The following RFTN1 variants were observed in gnomAD, a reference collection of about 807,000 sequenced individuals.
RFTN1 encodes raftlin, lipid raft linker 1.
RFTN1 carries 26 observed loss-of-function variants against 46.5 expected under a neutral mutation model. That is an observed-to-expected ratio of 0.56 (90% CI 0.41 to 0.78). The LOEUF is 0.78. Ranked by LOEUF, RFTN1 falls within the 30% of genes least tolerant of loss-of-function variation. The pLI is 0.00. For synonymous variants in RFTN1, 261 were observed against 284.2 expected, an observed-to-expected ratio of 0.92 and a Z score of 0.82; for missense variants, 693 against 718.7, an observed-to-expected ratio of 0.96 and a Z score of 0.41.
intron 7 of RFTN1, among the ~76,000 whole-genome samples, chr3:16,340,244 T>C (rs528270680): frequency 6.6e-6 from 1 of 152,374 alleles, no homozygotes; most frequent in Non-Finnish European, 1.5e-5. Flanking sequence ...CAATAGTACA[T>C]TAACAAATAT....
intron 3 of RFTN1, among the ~76,000 whole-genome samples, chr3:16,415,430 T>TATATATATACAC: frequency 8.7e-6 from 1 of 114,348 alleles, no homozygotes; most frequent in African/African-American, 2.7e-5. Context: ...TATATATATA[T>TATATATATACAC]ACACACACAC....
intron 7 of RFTN1, among the ~76,000 whole-genome samples, chr3:16,354,450 T>G (rs1451312996): frequency 2.6e-5 from 4 of 152,248 alleles, no homozygotes; most frequent in African/African-American, 9.6e-5. Flanking sequence ...GAGACAGCAC[T>G]GGGCAGTAAG....
chr3:16,486,835 G>A (rs1362118188), intron 2 of RFTN1, among the ~76,000 whole-genome samples: 1 of 152,220 alleles, frequency 6.6e-6, no homozygotes, highest in Non-Finnish European at 1.5e-5. Flanking sequence ...GACTACATTT[G>A]GAGTAAGAAA....
In RFTN1 at chr3:16,433,160, T is replaced by C. The variant is rs895693848; in HGVS notation, c.332+691A>G. On this transcript the variant is annotated intron_variant, in intron 3 of 9. Coordinates refer to ENST00000334133, the MANE Select transcript of RFTN1 (RefSeq NM_015150.2). The surrounding 1 kb of genome is among the most constrained non-coding windows in gnomAD (Gnocchi z 4.4). ...CAGGAAAAACATACTGCTCTCTCCA[T>C]CCCATCCTCACTGTTTTTTTTTTTT... 2.0e-4 allele frequency among the ~76,000 whole-genome samples: 29 copies of C among 145,202 alleles called. No individual in the cohort carries two copies. Among genetic ancestry groups the C allele is most frequent in the African/African-American group, 6.8e-4 (26 of 37,982 alleles).
In RFTN1 at chr3:16,427,397, G is replaced by C. The variant is rs745658546; in HGVS notation, c.332+6454C>G. Among the ~76,000 whole-genome samples, 2 of 152,174 alleles carry C rather than the reference G, an allele frequency of 1.3e-5. No individual in the cohort carries two copies. The highest frequency in any genetic ancestry group is 2.9e-5 in the Non-Finnish European group (2 of 68,030). ...TGGGTCTCAAGAGGAGAAACAAAGGGTAAGGGATGAGCATTCTCTGAGATT... is the reference window on the plus strand; with the variant it reads ...TGGGTCTCAAGAGGAGAAACAAAGGCTAAGGGATGAGCATTCTCTGAGATT... On this transcript the variant is annotated intron_variant, in intron 3 of 9. Coordinates refer to ENST00000334133, the MANE Select transcript of RFTN1 (RefSeq NM_015150.2). This position sits in a 1 kb window ranked among gnomAD's most constrained non-coding sequence, Gnocchi z 5.4.
intron 6 of RFTN1, among the ~76,000 whole-genome samples, chr3:16,365,469 T>C (rs539432471): frequency 1.3e-5 from 2 of 152,286 alleles, no homozygotes; most frequent in East Asian, 3.9e-4. Context: ...ATTTAAAACA[T>C]GTACATGTGT....
Position 16,337,494 on chromosome 3 carries a change from T to G in RFTN1, c.1147-10618A>C, listed in dbSNP as rs1437948920. ...CTCAGTGGCTCACGCCTGTAATCTC[T>G]GCACTTTGGGAGGCAGAGGTGGGTG... On this transcript the variant is annotated intron_variant, in intron 7 of 9. Transcript: ENST00000334133. This position sits in a 1 kb window ranked among gnomAD's most constrained non-coding sequence, Gnocchi z 5.0. The G allele has an allele frequency of 6.6e-6, 1 of 152,120 alleles. No homozygotes were observed. The highest frequency in any genetic ancestry group is 1.9e-4 in the East Asian group (1 of 5,168). 9.4% of individuals were successfully genotyped at this position (152,120 alleles called of 1,614,324 possible).
chr3:16,455,476 G>T (rs1415698627), intron 2 of RFTN1, among the ~76,000 whole-genome samples: 1 of 152,164 alleles, frequency 6.6e-6, no homozygotes, highest in Non-Finnish European at 1.5e-5. Context: ...ACTGAAACCA[G>T]GCAAAGGACT....
In RFTN1 at chr3:16,449,642, C is replaced by T. The variant is rs141313701; in HGVS notation, c.146-15605G>A. Among the ~76,000 whole-genome samples, 434 of 152,304 alleles carry T rather than the reference C, an allele frequency of 2.8e-3. 1 individual carries two copies. The highest frequency in any genetic ancestry group is 9.7e-3 in the African/African-American group (405 of 41,564). ...TGTCCACGAGTTGATCCTTAAGTCT[C>T]GGAACCACTCCAGCTCTGCATCAAT... On this transcript the variant is annotated intron_variant, in intron 2 of 9. Transcript: ENST00000334133. The surrounding 1 kb of genome is among the most constrained non-coding windows in gnomAD (Gnocchi z 5.1).
intron 2 of RFTN1, among the ~76,000 whole-genome samples, chr3:16,455,845 A>T (rs1395477779): frequency 1.3e-5 from 2 of 152,218 alleles, no homozygotes; most frequent in Admixed American, 1.3e-4. Flanking sequence ...TGATAATGAA[A>T]CATCAGACAA....
intron 2 of RFTN1, among the ~76,000 whole-genome samples, chr3:16,477,700 T>A (rs1356256677): frequency 6.6e-6 from 1 of 152,212 alleles, no homozygotes; most frequent in Non-Finnish European, 1.5e-5. Flanking sequence ...ACACTTCCAA[T>A]TCCTTCTCAT....
chr3:16,386,449 G>C (rs947631309), intron 4 of RFTN1, among the ~76,000 whole-genome samples: 1 of 152,208 alleles, frequency 6.6e-6, no homozygotes, highest in African/African-American at 2.4e-5. Flanking sequence ...CTGAGGCACA[G>C]AGATATTGGG....
At position 16,338,150 on chromosome 3, in the gene RFTN1, A is replaced by G. The variant is rs907317290; in HGVS notation, c.1147-11274T>C. ...TGGTCCTGGTACATGCGGTTTCTCT[A>G]ACGTCAGTTACTTGGAAGGCAGAAA... On this transcript the variant is annotated intron_variant, in intron 7 of 9. Transcript: ENST00000334133. The surrounding 1 kb of genome is among the most constrained non-coding windows in gnomAD (Gnocchi z 5.3). 6.6e-6 allele frequency among the ~76,000 whole-genome samples: 1 copy of G among 152,214 alleles called. No homozygotes were observed. The highest frequency in any genetic ancestry group is 6.5e-5 in the Admixed American group (1 of 15,290).
At chr3:16,373,161 T>G in intron 5 of RFTN1, among the ~76,000 whole-genome samples, 1 of 152,180 alleles carries the variant, frequency 6.6e-6, no homozygotes. Flanking sequence ...AGCTGGAAGA[T>G]TTTTCCAGAC....
chr3:16,377,577 GA>G (rs1451599383), intron 5 of RFTN1, 140 bp downstream of exon 5: 10 of 1,351,434 alleles, frequency 7.4e-6, no homozygotes, highest in African/African-American at 2.9e-5. Context: ...ATAACTGCTT[GA>G]TAAAGTTTCT....
At chr3:16,412,001 T>C (rs954681898) in intron 3 of RFTN1, among the ~76,000 whole-genome samples, 2 of 152,282 alleles carry the variant, frequency 1.3e-5, no homozygotes, top group South Asian at 2.1e-4. Context: ...ATAAGTACCA[T>C]CTCTGGTTCT....
At chr3:16,377,165 C>G (rs527962504) in intron 5 of RFTN1, among the ~76,000 whole-genome samples, 3 of 151,942 alleles carry the variant, frequency 2.0e-5, no homozygotes, top group African/African-American at 7.3e-5. Flanking sequence ...TTAAGGGCCT[C>G]GGCAAATCTT....
At chr3:16,510,637 T>A (rs2076881850) in intron 1 of RFTN1, among the ~76,000 whole-genome samples, 1 of 152,338 alleles carries the variant, frequency 6.6e-6, no homozygotes, top group Middle Eastern at 3.4e-3. Flanking sequence ...GACAGGGCTG[T>A]AGTATCTGGA....
At chr3:16,487,794 C>A (rs1017734376) in intron 2 of RFTN1, among the ~76,000 whole-genome samples, 4 of 152,334 alleles carry the variant, frequency 2.6e-5, no homozygotes, top group African/African-American at 9.6e-5. Context: ...GCTGGCAAAA[C>A]GCTCACATAA....
Sources: gnomAD v4.1 joint callset for allele counts (sites outside exome capture counted in the v4.1 genomes callset) on GRCh38, gnomAD v4.1.1 for gene constraint, Gnocchi (gnomAD v3.1) non-coding constraint, MANE v1.5 for transcripts, NCBI Gene and HGNC (gene_info 2026-07-23, HGNC 2026-07-21) for gene names.